Variants in RIMS2 observed in about 807,000 individuals in gnomAD.
RIMS2 encodes the protein regulating synaptic membrane exocytosis protein 2.
Under a neutral mutation model 174.4 loss-of-function variants are expected in RIMS2, and 59 were observed. The observed-to-expected ratio is 0.34, with a 90% CI of 0.27 to 0.42. RIMS2 has a LOEUF of 0.42. RIMS2 is among the 10% of genes least tolerant of loss of function. RIMS2 has a pLI of 1.00. For synonymous variants in RIMS2, 606 were observed against 572.5 expected (o/e 1.06, Z -0.84); for missense variants, 1,620 against 1,666.3 (o/e 0.97, Z 0.48).
intron 1 of RIMS2, among the ~76,000 whole-genome samples, chr8:103,636,300 C>T (rs920525765): frequency 8.5e-5 from 13 of 152,142 alleles, no homozygotes; most frequent in African/African-American, 3.1e-4. Context: ...AGTCTAACCT[C>T]CCAGTTTGCT....
chr8:103,936,568 G>T (rs1396119669), exon 13 of RIMS2: 2 of 1,582,142 alleles, frequency 1.3e-6, no homozygotes, highest in Non-Finnish European at 1.7e-6. Flanking sequence ...AACAAGAGAA[G>T]AACTAAAACA....
At chr8:104,076,670 A>G (rs931481381) in intron 19 of RIMS2, among the ~76,000 whole-genome samples, 4 of 152,126 alleles carry the variant, frequency 2.6e-5, no homozygotes, top group Non-Finnish European at 5.9e-5. Flanking sequence ...AAAAGTGTAG[A>G]TTCCTTAACC....
At chr8:103,555,620 T>G (rs1850067399) in intron 1 of RIMS2, among the ~76,000 whole-genome samples, 1 of 151,452 alleles carries the variant, frequency 6.6e-6, no homozygotes, top group Admixed American at 6.6e-5. Context: ...AACCTAAGGG[T>G]TCATCAACAG....
chr8:104,148,122 A>G (rs10955341), intron 19 of RIMS2, among the ~76,000 whole-genome samples: 85,769 of 150,644 alleles, frequency 0.57, 24,647 homozygotes, highest in Middle Eastern at 0.68. Context: ...ACCTTATTAT[A>G]AGAAAACTTA....
At chr8:103,688,867 G>A (rs1383406727) in intron 1 of RIMS2, among the ~76,000 whole-genome samples, 4 of 151,536 alleles carry the variant, frequency 2.6e-5, no homozygotes, top group Admixed American at 6.6e-5. Flanking sequence ...CTGCTGATAC[G>A]TATTGTTTCC....
chr8:104,179,847 T>C (rs1300248298), intron 19 of RIMS2, among the ~76,000 whole-genome samples: 2 of 151,826 alleles, frequency 1.3e-5, no homozygotes, highest in African/African-American at 2.4e-5. Context: ...AAAAGTTGCT[T>C]CCTTACTTAC....
At chr8:103,674,570 A>G (rs958254384) in intron 1 of RIMS2, among the ~76,000 whole-genome samples, 5 of 152,054 alleles carry the variant, frequency 3.3e-5, no homozygotes, top group Admixed American at 6.6e-5. Context: ...GATTTTCTCA[A>G]CAAATGCATA....
chr8:104,189,632 T>C (rs1251020405), intron 19 of RIMS2, among the ~76,000 whole-genome samples: 1 of 148,604 alleles, frequency 6.7e-6, no homozygotes, highest in African/African-American at 2.4e-5. Flanking sequence ...CAAATATATG[T>C]ATACAATTCT....
At chr8:103,933,493 A>T (rs962785338) in intron 12 of RIMS2, among the ~76,000 whole-genome samples, 1 of 151,994 alleles carries the variant, frequency 6.6e-6, no homozygotes, top group Non-Finnish European at 1.5e-5. Context: ...CATCTCAAAT[A>T]AAAAAAAGAG....
chr8:104,048,571 A>G (rs2096732234), intron 19 of RIMS2, among the ~76,000 whole-genome samples: 2 of 152,194 alleles, frequency 1.3e-5, no homozygotes, highest in African/African-American at 4.8e-5. Flanking sequence ...TAGAAATTCA[A>G]ATAAAAACAT....
At position 104,093,645 on chromosome 8, in the gene RIMS2, T is replaced by C; in HGVS notation, c.3334+79030T>C. On this transcript the variant is annotated intron_variant, in intron 19 of 23. Coordinates refer to ENST00000504942, the Ensembl canonical transcript of RIMS2. The stretch of plus-strand genomic sequence containing the variant: ...CCCAGGAGGAAACAAGAAAATCAGG[T>C]AAGGGGATTTCAACAACAAACTTCT... 1 of 1,589,414 alleles carries C rather than the reference T, an allele frequency of 6.3e-7. No individual in the cohort carries two copies. Among genetic ancestry groups the C allele is most frequent in the South Asian group, 1.1e-5 (1 of 89,806 alleles).
intron 17 of RIMS2, among the ~76,000 whole-genome samples, chr8:103,992,096 GTGT>G (rs999316760): frequency 2.6e-5 from 4 of 151,824 alleles, no homozygotes; most frequent in East Asian, 1.9e-4. Context: ...AGTTCACTTA[GTGT>G]TGTTGTTGTT....
At chr8:103,808,827 C>G (rs1341095124) in intron 3 of RIMS2, among the ~76,000 whole-genome samples, 1 of 152,112 alleles carries the variant, frequency 6.6e-6, no homozygotes, top group African/African-American at 2.4e-5. Context: ...CTTGCCTGGA[C>G]TATTACATTA....
intron 4 of RIMS2, among the ~76,000 whole-genome samples, chr8:103,901,472 T>C (rs549894499): frequency 3.5e-4 from 54 of 152,302 alleles, no homozygotes; most frequent in Non-Finnish European, 6.0e-4. Flanking sequence ...TTGGGCTTGA[T>C]ACTTAGCTGT....
intron 3 of RIMS2, among the ~76,000 whole-genome samples, chr8:103,785,721 C>G (rs1465309300): frequency 1.3e-5 from 2 of 152,162 alleles, no homozygotes; most frequent in East Asian, 3.8e-4. Flanking sequence ...GGATATTGGT[C>G]TAAAAATCTC....
At chr8:103,542,888 G>A (rs1033066513) in intron 1 of RIMS2, among the ~76,000 whole-genome samples, 10 of 152,052 alleles carry the variant, frequency 6.6e-5, no homozygotes, top group African/African-American at 1.2e-4. Flanking sequence ...CAATACAGGC[G>A]TTACATCACA....
At chr8:104,229,113 G>T (rs969651840) in intron 19 of RIMS2, among the ~76,000 whole-genome samples, 4 of 152,054 alleles carry the variant, frequency 2.6e-5, no homozygotes, top group Non-Finnish European at 5.9e-5. Context: ...CCTTTAACAG[G>T]TTCACTACCA....
chr8:103,586,489 GA>G (rs1451576814), intron 1 of RIMS2, among the ~76,000 whole-genome samples: 1 of 152,046 alleles, frequency 6.6e-6, no homozygotes, highest in Non-Finnish European at 1.5e-5. Context: ...AATGTGCTTT[GA>G]AATGACCAGT....
At chr8:103,675,561 C>G (rs2096798277) in intron 1 of RIMS2, among the ~76,000 whole-genome samples, 3 of 152,236 alleles carry the variant, frequency 2.0e-5, no homozygotes, top group Admixed American at 2.0e-4. Context: ...AGTTCACCGT[C>G]AAATTAAACA....
Sources: gnomAD v4.1 joint callset for allele counts (sites outside exome capture counted in the v4.1 genomes callset) on GRCh38, gnomAD v4.1.1 for gene constraint, MANE v1.5 for transcripts, NCBI Gene and HGNC (gene_info 2026-07-23, HGNC 2026-07-21) for gene names.